Variants in ADHFE1 observed in about 807,000 individuals in gnomAD.
The protein encoded by ADHFE1 is alcohol dehydrogenase iron containing 1.
Under a neutral mutation model 54.8 loss-of-function variants are expected in ADHFE1, and 37 were observed. The observed-to-expected ratio is 0.68, with a 90% CI of 0.52 to 0.89. The LOEUF (loss-of-function observed/expected upper bound fraction) is 0.89. ADHFE1 is among the 40% of genes least tolerant of loss of function. The pLI is 0.00. For synonymous variants in ADHFE1, 203 were observed against 229.3 expected (o/e 0.89, Z 1.04); for missense variants, 601 against 591.2 (o/e 1.02, Z -0.17).
rs1381637315 is a variant in ADHFE1 at position 66,451,808 on chromosome 8, G to A, written c.735-145G>A. On this transcript the variant is annotated intron_variant, in intron 8 of 13. Transcript: ENST00000396623. ...ACTGTTGCAGGCAAGAGGTGGGCTGGTAGAATGTACTGTGATCATCAGTGT... is the reference window on the plus strand; with the variant it reads ...ACTGTTGCAGGCAAGAGGTGGGCTGATAGAATGTACTGTGATCATCAGTGT... The A allele has an allele frequency of 3.5e-6, 3 of 865,136 alleles. No homozygotes were observed. In the Admixed American group the frequency reaches 9.2e-5, roughly 26 times the overall value. 53.6% of individuals were successfully genotyped at this position (865,136 alleles called of 1,614,324 possible). A position where few individuals can be genotyped will look rare whatever the true frequency, so the allele number is the denominator to read the frequency against.
Position 66,444,389 on chromosome 8 carries a change from A to G in ADHFE1, c.167A>G (p.Tyr56Cys), listed in dbSNP as rs1355987163. 3 of 1,614,170 alleles carry G rather than the reference A, an allele frequency of 1.9e-6. No individual in the cohort carries two copies. In the South Asian group the frequency reaches 3.3e-5, roughly 18 times the overall value. Residue 56 changes from tyrosine (Y) to cysteine (C), a missense_variant, in exon 4 of 14, where the codon TAT (tyrosine) becomes TGT (cysteine). Tyr to Cys is a radical substitution (Grantham distance 194, BLOSUM62 -2). Coordinates refer to ENST00000396623, the MANE Select transcript of ADHFE1 (RefSeq NM_144650.3). The stretch of plus-strand genomic sequence containing the variant: ...CAGATGGCTGTTTCAAATATTAGAT[A>G]TGGAGCAGCAGTTACAAAGGAAGTA... ...AFEMAVSNIR[Y>C]GAAVTKEVGM...
intron 13 of ADHFE1, among the ~76,000 whole-genome samples, chr8:66,460,937 G>A (rs996038074): frequency 1.1e-4 from 16 of 152,158 alleles, no homozygotes; most frequent in Admixed American, 2.6e-4. Context: ...AATTGCTTTC[G>A]ATGAATGTGG....
At chr8:66,445,033 A>T (rs1051973545) in intron 5 of ADHFE1, among the ~76,000 whole-genome samples, 185 bp from the exon 6 acceptor site, 1 of 152,040 alleles carries the variant, frequency 6.6e-6, no homozygotes, top group African/African-American at 2.4e-5. Flanking sequence ...CCCAAGAGAC[A>T]TAGGTTGCAG....
chr8:66,460,200 AG>A, intron 12 of ADHFE1, 107 bp from the exon 13 acceptor site: 1 of 1,406,108 alleles, frequency 7.1e-7, no homozygotes, highest in South Asian at 1.3e-5. Flanking sequence ...GCTGGGCGTT[AG>A]GGAGACCCCG....
In ADHFE1 at chr8:66,439,484, A is replaced by G; in HGVS notation, c.60-678A>G. 4 of 985,892 alleles carry G rather than the reference A, an allele frequency of 4.1e-6. No individual in the cohort carries two copies. The highest frequency in any genetic ancestry group is 4.8e-6 in the Non-Finnish European group (4 of 830,208). The allele number at this position is 985,892 out of a possible 1,614,324, so 61.1% of individuals were successfully genotyped here. On this transcript the variant is annotated intron_variant, in intron 1 of 13. Transcript: ENST00000396623. The surrounding 1 kb of genome is among the most constrained non-coding windows in gnomAD (Gnocchi z 4.4). ...GTTTCCAAAAAGGAGGACGTGGGAA[A>G]TCTGTAGAGAAGTCGACCGAGAAGT...
intron 8 of ADHFE1, among the ~76,000 whole-genome samples, chr8:66,449,407 A>G (rs1806188760): frequency 2.0e-5 from 3 of 152,230 alleles, no homozygotes; most frequent in Non-Finnish European, 4.4e-5. Context: ...GTCATGGAAG[A>G]GGGCAGGGAA....
chr8:66,442,945 T>A, intron 3 of ADHFE1, 101 bp downstream of exon 3: 1 of 991,328 alleles, frequency 1.0e-6, no homozygotes, highest in East Asian at 2.7e-5. Context: ...AATCTGTTAT[T>A]AATTCACATT....
intron 13 of ADHFE1, among the ~76,000 whole-genome samples, chr8:66,466,042 T>G (rs1046182748): frequency 3.2e-5 from 1 of 31,016 alleles, no homozygotes; most frequent in Non-Finnish European, 5.3e-5. Flanking sequence ...GTTTATCTGT[T>G]TTTTTTTTTC....
intron 12 of ADHFE1, among the ~76,000 whole-genome samples, chr8:66,457,800 A>G (rs2130458874): frequency 6.6e-6 from 1 of 152,100 alleles, no homozygotes; most frequent in South Asian, 2.1e-4. Flanking sequence ...TCCTGTTTTT[A>G]TCTCAAGGGA....
At chr8:66,440,926 A>C (rs1264419987) in intron 2 of ADHFE1, among the ~76,000 whole-genome samples, 1 of 152,228 alleles carries the variant, frequency 6.6e-6, no homozygotes, top group African/African-American at 2.4e-5. Flanking sequence ...TTGGGGAGTT[A>C]GAACAGAGAG....
In ADHFE1 at chr8:66,445,492, T is replaced by C; in HGVS notation, c.550+78T>C. The stretch of plus-strand genomic sequence containing the variant: ...TTAAGAAAGATGCAAGCCAGTCCTT[T>C]TAACATACACATTTCGAAAGCTTTC... On this transcript the variant is annotated intron_variant, in intron 6 of 13. Transcript: ENST00000396623. The C allele has an allele frequency of 5.1e-6, 7 of 1,365,222 alleles. 1 individual carries two copies. In the South Asian group the frequency reaches 1.0e-4, roughly 20 times the overall value. The allele number at this position is 1,365,222 out of a possible 1,614,324, so 84.6% of individuals were successfully genotyped here. A position where few individuals can be genotyped will look rare whatever the true frequency, so the allele number is the denominator to read the frequency against.
intron 9 of ADHFE1, chr8:66,453,814 T>C (rs2130437499): frequency 6.9e-7 from 1 of 1,450,844 alleles, no homozygotes; most frequent in Non-Finnish European, 9.3e-7. Context: ...CCCCCGGCGC[T>C]TTTACATCAC....
intron 10 of ADHFE1, 41 bp downstream of exon 10, chr8:66,454,198 G>T (rs1586471350): frequency 1.3e-6 from 2 of 1,595,752 alleles, no homozygotes; most frequent in East Asian, 2.2e-5. Flanking sequence ...TCAAGCTATT[G>T]CTTTAAAAAA....
intron 8 of ADHFE1, among the ~76,000 whole-genome samples, chr8:66,451,711 T>C (rs1427944248): frequency 6.6e-6 from 1 of 152,208 alleles, no homozygotes; most frequent in Non-Finnish European, 1.5e-5. Flanking sequence ...TATAATCTTA[T>C]ACATACTACT....
chr8:66,465,202 T>A (rs1454205586), intron 13 of ADHFE1, among the ~76,000 whole-genome samples: 1 of 152,186 alleles, frequency 6.6e-6, no homozygotes, highest in Non-Finnish European at 1.5e-5. Flanking sequence ...TCTATTTGAG[T>A]CCCTGCTTTC....
chr8:66,461,641 G>C (rs191452619), intron 13 of ADHFE1, among the ~76,000 whole-genome samples: 1 of 151,840 alleles, frequency 6.6e-6, no homozygotes, highest in African/African-American at 2.4e-5. Flanking sequence ...CAGAAAGCAC[G>C]TGACCCATCT....
At chr8:66,454,879 A>G (rs4737799) in intron 10 of ADHFE1, among the ~76,000 whole-genome samples, 17,316 of 151,874 alleles carry the variant, frequency 0.11, 1,084 homozygotes, top group East Asian at 0.23. Flanking sequence ...ATGCCCAGCT[A>G]ATTTTTTTAT....
intron 11 of ADHFE1, 47 bp downstream of exon 11, chr8:66,456,942 C>A: frequency 6.9e-7 from 1 of 1,449,144 alleles, no homozygotes; most frequent in Non-Finnish European, 9.2e-7. Flanking sequence ...ATAATCATCC[C>A]AATTTCCATA....
rs117274688 is a variant in ADHFE1 at position 66,455,227 on chromosome 8, C to T, written c.986+1070C>T. ...GACAGACTGTTTTCCACGGCATCTGCGCTGTTTTACATTCCCACCTGCAGT... is the reference window on the plus strand; with the variant it reads ...GACAGACTGTTTTCCACGGCATCTGTGCTGTTTTACATTCCCACCTGCAGT... On this transcript the variant is annotated intron_variant, in intron 10 of 13. Transcript: ENST00000396623. 1.7e-4 allele frequency among the ~76,000 whole-genome samples: 26 copies of T among 152,290 alleles called. 2 individuals are homozygous for T. Among genetic ancestry groups the T allele is most frequent in the Admixed American group, 1.2e-3 (19 of 15,296 alleles).
Sources: gnomAD v4.1 joint callset for allele counts (sites outside exome capture counted in the v4.1 genomes callset) on GRCh38, gnomAD v4.1.1 for gene constraint, Gnocchi (gnomAD v3.1) non-coding constraint, MANE v1.5 for transcripts, NCBI Gene and HGNC (gene_info 2026-07-23, HGNC 2026-07-21) for gene names.